PIMREG: variants seen among roughly 807,000 people sequenced by gnomAD.
PIMREG encodes PICALM interacting mitotic regulator.
Under a neutral mutation model 24.3 loss-of-function variants are expected in PIMREG, and 19 were observed. The ratio of observed to expected loss-of-function variants is 0.78; its 90% CI spans 0.54 to 1.15. The LOEUF (loss-of-function observed/expected upper bound fraction) is 1.15, where lower values mean the gene tolerates loss of function less well. Among genes scored for constraint, PIMREG ranks in the 50% most tolerant of loss-of-function variants. The pLI is 0.00. For missense variants in PIMREG, 283 were observed against 306.8 expected (o/e 0.92, Z 0.58); for synonymous variants, 112 against 124.1 (o/e 0.90, Z 0.65).
At chr17:6,450,153 A>G in intron 5 of PIMREG, 81 bp downstream of exon 5, 1 of 1,450,658 alleles carries the variant, frequency 6.9e-7, no homozygotes. Flanking sequence ...AAAAGCCCAC[A>G]GAGCTGATGG....
intron 2 of PIMREG, chr17:6,446,337 T>C (rs552120492): frequency 3.1e-4 from 124 of 397,074 alleles, no homozygotes; most frequent in South Asian, 4.3e-4. Flanking sequence ...CGGTGTCTCA[T>C]TGGGAATTCT....
Position 6,451,265 on chromosome 17 carries a change from AAGGCAAAG to A in PIMREG, c.*920_*927del, listed in dbSNP as rs1913819946. The stretch of plus-strand genomic sequence containing the variant: ...TTAGTTCAGACCAAAACACATTGTA[AAGGCAAAG>A]AAGGTTTTTATTTAAGTGACAACAT... On this transcript the variant is annotated 3_prime_UTR_variant, in exon 6 of 6. Transcript: ENST00000572447. 1 of 152,224 alleles carries A rather than the reference AAGGCAAAG, an allele frequency of 6.6e-6. No individual in the cohort carries two copies. Among genetic ancestry groups the A allele is most frequent in the Non-Finnish European group, 1.5e-5 (1 of 68,040 alleles). 9.4% of individuals were successfully genotyped at this position (152,224 alleles called of 1,614,324 possible). A position where few individuals can be genotyped will look rare whatever the true frequency, so the allele number is the denominator to read the frequency against.
rs774541924 is a variant in PIMREG, at chr17:6,447,663, C to T, written c.495C>T (p.Val165=). The change falls in exon 3 of 6, where the codon GTC becomes GTT. Residue 165 remains valine (V), a synonymous_variant. Coordinates refer to ENST00000572447, the MANE Select transcript of PIMREG (RefSeq NM_019013.3). ...PWEKEHHRLS[V]RMGSHAHPLR... ...AGAAGGAGCATCACCGCCTCTCTGT[C>T]CGGATGGGCTCACATGCCCACCCAT... The T allele has an allele frequency of 9.3e-6, 15 of 1,614,028 alleles. No individual in the cohort carries two copies. The South Asian group carries it at 1.6e-4, about 18-fold the overall frequency.
chr17:6,449,500 G>A, intron 4 of PIMREG, 93 bp downstream of exon 4: 1 of 1,219,596 alleles, frequency 8.2e-7, no homozygotes, highest in Non-Finnish European at 1.1e-6. Context: ...CTGACCTGCT[G>A]TGTGACCCTG....
In PIMREG at chr17:6,445,126, C is replaced by T; in HGVS notation, c.16C>T (p.Gln6Ter). The T allele has an allele frequency of 1.3e-6, 2 of 1,590,684 alleles. No homozygotes were observed. The highest frequency in any genetic ancestry group is 1.7e-6 in the Non-Finnish European group (2 of 1,168,124). Residue 6 changes from glutamine (Q) to a stop codon, truncating the protein, a stop_gained, in exon 2 of 6, where the codon CAG becomes TAG. Coordinates refer to ENST00000572447, the MANE Select transcript of PIMREG (RefSeq NM_019013.3). LOFTEE classifies it high-confidence loss of function. The stretch of plus-strand genomic sequence containing the variant: ...GGCCAGGCAGATGGCTTCTCGGTGG[C>T]AGAACATGGGGACCTCCGTGCGCCG... The part of the protein sequence containing the change: MASRW[Q>*]NMGTSVRRRS...
intron 3 of PIMREG, 110 bp downstream of exon 3, chr17:6,447,868 C>T (rs1302144007): frequency 4.9e-6 from 6 of 1,229,362 alleles, no homozygotes; most frequent in East Asian, 2.5e-5. Flanking sequence ...TCTTGGCACC[C>T]CCTGTGGCTA....
rs1913506790 is a variant in PIMREG, at chr17:6,444,755, C to T, written c.-36+267C>T. On this transcript the variant is annotated intron_variant, in intron 1 of 5. Coordinates refer to ENST00000572447, the MANE Select transcript of PIMREG (RefSeq NM_019013.3). This position sits in a 1 kb window ranked among gnomAD's most constrained non-coding sequence, Gnocchi z 4.3. ...GCGAGCTGGTGAAGAAGATGGTGATCGTGTCCTGGGCCCAGCGCTGAAGCT... is the reference window on the plus strand; with the variant it reads ...GCGAGCTGGTGAAGAAGATGGTGATTGTGTCCTGGGCCCAGCGCTGAAGCT... 6.6e-6 allele frequency among the ~76,000 whole-genome samples: 1 copy of T among 152,016 alleles called. No homozygotes were observed. The highest frequency in any genetic ancestry group is 6.6e-5 in the Admixed American group (1 of 15,256).
At chr17:6,447,276 T>C in intron 2 of PIMREG, 187 bp from the exon 3 acceptor site, 1 of 626,090 alleles carries the variant, frequency 1.6e-6, no homozygotes, top group South Asian at 2.1e-5. Context: ...CGCGCCTGGC[T>C]AATTTTTTTT....
rs931390613 is a variant in PIMREG at position 6,446,188 on chromosome 17, G to A, written c.294+784G>A. The stretch of plus-strand genomic sequence containing the variant: ...TCAGGAAGACGTCCTTATATTGGAT[G>A]TAAGTGTCTGTGGACCCTTCAAGGG... On this transcript the variant is annotated intron_variant, in intron 2 of 5. Coordinates refer to ENST00000572447, the MANE Select transcript of PIMREG (RefSeq NM_019013.3). 23 of 401,110 alleles carry A rather than the reference G, an allele frequency of 5.7e-5. No individual in the cohort carries two copies. The East Asian group carries it at 7.8e-4, about 14-fold the overall frequency. The allele number at this position is 401,110 out of a possible 1,614,324, so 24.8% of individuals were successfully genotyped here. A position where few individuals can be genotyped will look rare whatever the true frequency, so the allele number is the denominator to read the frequency against.
Position 6,447,476 on chromosome 17 carries a change from C to A in PIMREG, c.308C>A (p.Ser103Tyr). Residue 103 changes from serine (S) to tyrosine (Y), a missense_variant, in exon 3 of 6, where the codon TCC (serine) becomes TAC (tyrosine). By Grantham distance (144) the Ser-to-Tyr change is moderately radical. Coordinates refer to ENST00000572447, the MANE Select transcript of PIMREG (RefSeq NM_019013.3). ...TGCCTGTTCCAGAGAATCCAGGAGT[C>A]CTGCCAAAGTGGCACCAAGTGGCTG... The part of the protein sequence containing the change: ...LGAVSQRIQE[S>Y]CQSGTKWLVE... 1 of 1,613,812 alleles carries A rather than the reference C, an allele frequency of 6.2e-7. No homozygotes were observed. Among genetic ancestry groups the A allele is most frequent in the South Asian group, 1.1e-5 (1 of 91,048 alleles).
intron 4 of PIMREG, 96 bp downstream of exon 4, chr17:6,449,503 T>C (rs1913725518): frequency 3.3e-6 from 4 of 1,212,164 alleles, no homozygotes; most frequent in South Asian, 3.0e-5. Context: ...ACCTGCTGTG[T>C]GACCCTGGCC....
At chr17:6,450,189 T>TC in intron 5 of PIMREG, 117 bp downstream of exon 5, 5 of 1,258,584 alleles carry the variant, frequency 4.0e-6, no homozygotes, top group African/African-American at 1.5e-5. Context: ...TAGTACCTAC[T>TC]TGCCGCTTGA....
In PIMREG at chr17:6,449,719, G is replaced by A. The variant is rs185746433; in HGVS notation, c.687-309G>A. ...CTTCCTCCAGAACTCTCCGTGGCTC[G>A]TCTGTGCCCTGCCTGCCTATGGAAT... On this transcript the variant is annotated intron_variant, in intron 4 of 5. Transcript: ENST00000572447. 3.1e-4 allele frequency: 428 copies of A among 1,394,898 alleles called. No homozygotes were observed. The African/African-American group carries it at 4.8e-3, about 16-fold the overall frequency. 86.4% of individuals were successfully genotyped at this position (1,394,898 alleles called of 1,614,324 possible).
chr17:6,449,706 C>A (rs936128079), intron 4 of PIMREG: 1 of 1,393,308 alleles, frequency 7.2e-7, no homozygotes, highest in Non-Finnish European at 9.3e-7. Context: ...TCCTCCAGAA[C>A]TCTCCGTGGC....
At chr17:6,449,189 TG>T in intron 3 of PIMREG, 122 bp from the exon 4 acceptor site, 2 of 699,462 alleles carry the variant, frequency 2.9e-6, no homozygotes, top group Non-Finnish European at 4.8e-6. Context: ...AGTGAGGGTC[TG>T]GAGTGAAGCC....
chr17:6,445,367 C>T lies in PIMREG; in HGVS notation c.257C>T (p.Ala86Val), dbSNP rs1308921764. Residue 86 changes from alanine (A) to valine (V), a missense_variant, in exon 2 of 6, where the codon GCT (alanine) becomes GTT (valine). Coordinates refer to ENST00000572447, the MANE Select transcript of PIMREG (RefSeq NM_019013.3). ...EPGQQGLQAA[A>V]RSAKSALGAV... ...GGTCAGCAGGGCCTCCAGGCTGCAG[C>T]TCGCTCAGCTAAGAGTGCTTTGGGT... 3 of 1,613,836 alleles carry T rather than the reference C, an allele frequency of 1.9e-6. No homozygotes were observed. In the African/African-American group the frequency reaches 4.0e-5, roughly 22 times the overall value.
chr17:6,447,885 G>T (rs1913647241), intron 3 of PIMREG, 127 bp downstream of exon 3: 2 of 921,996 alleles, frequency 2.2e-6, no homozygotes, highest in Non-Finnish European at 3.2e-6. Flanking sequence ...GCTACCTGGA[G>T]CCAGGGGCAC....
rs1597353266 is a variant in PIMREG at position 6,450,949 on chromosome 17, T to C, written c.*602T>C. The stretch of plus-strand genomic sequence containing the variant: ...GAGGGGTAGCCCTGTTCAAGAGCAA[T>C]TTCTGCCCTTTGTAAATTATTTAAG... On this transcript the variant is annotated 3_prime_UTR_variant, in exon 6 of 6. Coordinates refer to ENST00000572447, the MANE Select transcript of PIMREG (RefSeq NM_019013.3). The C allele has an allele frequency of 6.5e-6, 1 of 153,676 alleles. No homozygotes were observed. The highest frequency in any genetic ancestry group is 1.9e-4 in the East Asian group (1 of 5,228). 9.5% of individuals were successfully genotyped at this position (153,676 alleles called of 1,614,324 possible).
intron 2 of PIMREG, among the ~76,000 whole-genome samples, chr17:6,446,780 C>T (rs937157088): frequency 6.6e-6 from 1 of 152,188 alleles, no homozygotes; most frequent in Non-Finnish European, 1.5e-5. Flanking sequence ...AAGACAGGTG[C>T]TCTCTTGGTG....
Sources: allele counts gnomAD v4.1 joint callset (sites outside exome capture counted in the v4.1 genomes callset), GRCh38; gene constraint gnomAD v4.1.1; non-coding constraint Gnocchi (gnomAD v3.1); transcripts MANE v1.5; gene names NCBI Gene and HGNC (gene_info 2026-07-23, HGNC 2026-07-21).